Variants in GJB3 observed in about 807,000 individuals in gnomAD.
GJB3 encodes the protein gap junction protein beta 3.
In GJB3, 6 loss-of-function variants were observed where a neutral mutation model predicts 8.1. That is an observed-to-expected ratio of 0.75 (90% CI 0.41 to 1.47). The LOEUF is 1.47. GJB3 is among the 40% of genes most tolerant of loss of function. The probability of loss-of-function intolerance (pLI) is 0.02; values close to 1 mark genes in which losing one functional copy is unlikely to be tolerated. For missense variants in GJB3, 348 were observed against 365.6 expected, an observed-to-expected ratio of 0.95 and a Z score of 0.39; for synonymous variants, 137 against 156.4, an observed-to-expected ratio of 0.88 and a Z score of 0.93.
rs1367272497 is a variant in GJB3 at position 34,784,649 on chromosome 1, C to G, written c.-25-89C>G. On this transcript the variant is annotated intron_variant, in intron 1 of 1. Coordinates refer to ENST00000373366, the MANE Select transcript of GJB3 (RefSeq NM_024009.3). Reference sequence around the variant, plus strand: ...GGGTCGTTGTGAGTATTGAACAAGTCAGAACTCAGAACACTGCCTGGTACA... The same window carrying G: ...GGGTCGTTGTGAGTATTGAACAAGTGAGAACTCAGAACACTGCCTGGTACA... The G allele has an allele frequency of 2.5e-5, 22 of 868,642 alleles. No homozygotes were observed. The East Asian group carries it at 5.8e-4, about 23-fold the overall frequency. 53.8% of individuals were successfully genotyped at this position (868,642 alleles called of 1,614,324 possible).
Position 34,785,048 on chromosome 1 carries a change from G to C in GJB3, c.286G>C (p.Ala96Pro). The change falls in exon 2 of 2, where the codon GCC (alanine) becomes CCC (proline). Residue 96 changes from alanine to proline, a missense_variant. Transcript: ENST00000373366. The surrounding 1 kb of genome is among the most constrained non-coding windows in gnomAD (Gnocchi z 4.7). ...CPSLLVILHV[A>P]YREERERRHR... ...CTCGCTGCTGGTCATCCTGCACGTG[G>C]CCTACCGTGAGGAGCGGGAGCGCCG... 1 of 1,614,098 alleles carries C rather than the reference G, an allele frequency of 6.2e-7. No homozygotes were observed. The highest frequency in any genetic ancestry group is 8.5e-7 in the Non-Finnish European group (1 of 1,180,026).
chr1:34,785,866 C>T lies in GJB3; in HGVS notation c.*291C>T. The stretch of plus-strand genomic sequence containing the variant: ...TAGGGCACTGCTAGCAGGGCTTCAA[C>T]CAGGAAGGGATCAACCCAGGAAGGG... On this transcript the variant is annotated 3_prime_UTR_variant, in exon 2 of 2. Transcript: ENST00000373366. The surrounding 1 kb of genome is among the most constrained non-coding windows in gnomAD (Gnocchi z 4.7). The T allele has an allele frequency of 2.1e-6, 1 of 482,754 alleles. No homozygotes were observed. The highest frequency in any genetic ancestry group is 3.9e-6 in the Non-Finnish European group (1 of 256,632). The allele number at this position is 482,754 out of a possible 1,614,324, so 29.9% of individuals were successfully genotyped here.
chr1:34,785,516 G>A lies in GJB3; in HGVS notation c.754G>A (p.Asp252Asn). The A allele has an allele frequency of 6.2e-7, 1 of 1,614,076 alleles. No homozygotes were observed. ...HHKLVEAGEV[D>N]PDPGNNKLQA... ...CAAGCTGGTGGAGGCTGGGGAGGTG[G>A]ATCCAGACCCAGGCAATAACAAGCT... The change falls in exon 2 of 2, where the codon GAT (aspartate) becomes AAT (asparagine). Residue 252 changes from aspartate to asparagine, a missense_variant. Asp to Asn is a conservative substitution (Grantham distance 23). Coordinates refer to ENST00000373366, the MANE Select transcript of GJB3 (RefSeq NM_024009.3). The surrounding 1 kb of genome is among the most constrained non-coding windows in gnomAD (Gnocchi z 4.7).
Position 34,784,954 on chromosome 1 carries a change from C to A in GJB3, c.192C>A (p.Cys64Ter). ...NTKQPGCTNVCYDNYFPISNI... is the reference protein window; with the variant it reads ...NTKQPGCTNV ...AGCAGCCCGGCTGCACCAACGTCTG[C>A]TACGACAACTACTTCCCCATCTCCA... is the stretch of plus-strand genomic sequence containing the variant. Residue 64 changes from cysteine (C) to a stop codon, truncating the protein, a stop_gained, in exon 2 of 2, where the codon TGC becomes TGA. Transcript: ENST00000373366. LOFTEE classifies it high-confidence loss of function. 6.2e-7 allele frequency: 1 copy of A among 1,614,192 alleles called. No homozygotes were observed. The highest frequency in any genetic ancestry group is 8.5e-7 in the Non-Finnish European group (1 of 1,180,028).
chr1:34,781,826 C>A lies in GJB3; in HGVS notation c.-26+48C>A, dbSNP rs1329513124. 6.6e-6 allele frequency: 1 copy of A among 152,292 alleles called. No individual in the cohort carries two copies. Among genetic ancestry groups the A allele is most frequent in the African/African-American group, 2.4e-5 (1 of 41,458 alleles). 9.4% of individuals were successfully genotyped at this position (152,292 alleles called of 1,614,324 possible). A position where few individuals can be genotyped will look rare whatever the true frequency, so the allele number is the denominator to read the frequency against. The stretch of plus-strand genomic sequence containing the variant: ...CGAGGCTGGGCGGGACCCTCAGGGG[C>A]GCCAAGCGCTCCTGGCGACCCCCTG... On this transcript the variant is annotated intron_variant, in intron 1 of 1. Coordinates refer to ENST00000373366, the MANE Select transcript of GJB3 (RefSeq NM_024009.3). The surrounding 1 kb of genome is among the most constrained non-coding windows in gnomAD (Gnocchi z 6.2).
rs367983532 is a variant in GJB3, at chr1:34,785,433, G to A, written c.671G>A (p.Arg224Gln). 43 of 1,613,886 alleles carry A rather than the reference G, an allele frequency of 2.7e-5. No individual in the cohort carries two copies. Among genetic ancestry groups the A allele is most frequent in the African/African-American group, 1.7e-4 (13 of 74,908 alleles). Residue 224 changes from arginine to glutamine, a missense_variant, in exon 2 of 2, where the codon CGA becomes CAA. Transcript: ENST00000373366. The surrounding 1 kb of genome is among the most constrained non-coding windows in gnomAD (Gnocchi z 4.7). ...CGAGGCCTGCACAAGGACAAGCCTC[G>A]AGGGGGTTGCAGCCCCTCGTCCTCC... ...VLRGLHKDKP[R>Q]GGCSPSSSAS...
At position 34,781,860 on chromosome 1, in the gene GJB3, C is replaced by A. The variant is rs1640015908; in HGVS notation, c.-26+82C>A. ...CTCCTGGCGACCCCCTGCGGCAGGG[C>A]TGGGGCTTGAGCCTGCCAGTGCGCT... On this transcript the variant is annotated intron_variant, in intron 1 of 1. Transcript: ENST00000373366. This position sits in a 1 kb window ranked among gnomAD's most constrained non-coding sequence, Gnocchi z 6.2. The A allele has an allele frequency of 6.6e-6, 1 of 152,410 alleles. No individual in the cohort carries two copies. Among genetic ancestry groups the A allele is most frequent in the South Asian group, 2.1e-4 (1 of 4,840 alleles). 9.4% of individuals were successfully genotyped at this position (152,410 alleles called of 1,614,324 possible).
At chr1:34,782,707 C>A (rs1317961591) in intron 1 of GJB3, among the ~76,000 whole-genome samples, 1 of 152,070 alleles carries the variant, frequency 6.6e-6, no homozygotes, top group African/African-American at 2.4e-5. Flanking sequence ...CCCAATCACC[C>A]CATCCTGCCC....
Position 34,781,361 on chromosome 1 carries a change from C to A in GJB3, c.-443C>A, listed in dbSNP as rs1557658171. 1.3e-5 allele frequency: 2 copies of A among 152,232 alleles called. No homozygotes were observed. 9.4% of individuals were successfully genotyped at this position (152,232 alleles called of 1,614,324 possible). A position where few individuals can be genotyped will look rare whatever the true frequency, so the allele number is the denominator to read the frequency against. On this transcript the variant is annotated 5_prime_UTR_variant, in exon 1 of 2. Coordinates refer to ENST00000373366, the MANE Select transcript of GJB3 (RefSeq NM_024009.3). The surrounding 1 kb of genome is among the most constrained non-coding windows in gnomAD (Gnocchi z 6.2). Reference sequence around the variant, plus strand: ...TGCCCCACGCACGGTCAAGGTCCCGCGCCAAGCGGGGACCGGGCTGGGCCG... The same window carrying A: ...TGCCCCACGCACGGTCAAGGTCCCGAGCCAAGCGGGGACCGGGCTGGGCCG...
At position 34,785,553 on chromosome 1, in the gene GJB3, C is replaced by T. The variant is rs200555311; in HGVS notation, c.791C>T (p.Ala264Val). The T allele has an allele frequency of 5.0e-5, 81 of 1,613,950 alleles. No individual in the cohort carries two copies. The highest frequency in any genetic ancestry group is 6.6e-5 in the Non-Finnish European group (78 of 1,179,974). Residue 264 changes from alanine (A) to valine (V), a missense_variant, in exon 2 of 2, where the codon GCA (alanine) becomes GTA (valine). By Grantham distance (64) the Ala-to-Val change is moderately conservative (BLOSUM62 0). Transcript: ENST00000373366. The surrounding 1 kb of genome is among the most constrained non-coding windows in gnomAD (Gnocchi z 4.7). The part of the protein sequence containing the change: ...DPGNNKLQAS[A>V]PNLTPI ...GGCAATAACAAGCTGCAGGCTTCAGCACCCAACCTGACCCCCATCTGACCA... is the reference window on the plus strand; with the variant it reads ...GGCAATAACAAGCTGCAGGCTTCAGTACCCAACCTGACCCCCATCTGACCA...
In GJB3 at chr1:34,785,069, C is replaced by T. The variant is rs1026392253; in HGVS notation, c.307C>T (p.Arg103Cys). 19 of 1,613,952 alleles carry T rather than the reference C, an allele frequency of 1.2e-5. No individual in the cohort carries two copies. Among genetic ancestry groups the T allele is most frequent in the Admixed American group, 1.7e-5 (1 of 60,010 alleles). The change falls in exon 2 of 2, where the codon CGC (arginine) becomes TGC (cysteine). Residue 103 changes from arginine to cysteine, a missense_variant. Arg to Cys is a radical substitution (Grantham distance 180). Transcript: ENST00000373366. This position sits in a 1 kb window ranked among gnomAD's most constrained non-coding sequence, Gnocchi z 4.7. The part of the protein sequence containing the change: ...LHVAYREERE[R>C]RHRQKHGDQC... Reference sequence around the variant, plus strand: ...CGTGGCCTACCGTGAGGAGCGGGAGCGCCGGCACCGCCAGAAACACGGGGA... The same window carrying T: ...CGTGGCCTACCGTGAGGAGCGGGAGTGCCGGCACCGCCAGAAACACGGGGA...
rs1034791840 is a variant in GJB3 at position 34,781,369 on chromosome 1, G to A, written c.-435G>A. 10 of 152,234 alleles carry A rather than the reference G, an allele frequency of 6.6e-5. No homozygotes were observed. 9.4% of individuals were successfully genotyped at this position (152,234 alleles called of 1,614,324 possible). A position where few individuals can be genotyped will look rare whatever the true frequency, so the allele number is the denominator to read the frequency against. On this transcript the variant is annotated 5_prime_UTR_variant, in exon 1 of 2. Transcript: ENST00000373366. The surrounding 1 kb of genome is among the most constrained non-coding windows in gnomAD (Gnocchi z 6.2). ...GCACGGTCAAGGTCCCGCGCCAAGC[G>A]GGGACCGGGCTGGGCCGGAAGCGGG...
Position 34,785,945 on chromosome 1 carries a change from C to T in GJB3, c.*370C>T. On this transcript the variant is annotated 3_prime_UTR_variant, in exon 2 of 2. Transcript: ENST00000373366. This position sits in a 1 kb window ranked among gnomAD's most constrained non-coding sequence, Gnocchi z 4.7. ...TAATGTGTAAGAGAGGTGAGAAGTG[C>T]TCCCAAGCAGACACAACAGCAGCAC... 1 of 284,058 alleles carries T rather than the reference C, an allele frequency of 3.5e-6. No individual in the cohort carries two copies. The highest frequency in any genetic ancestry group is 7.2e-6 in the Non-Finnish European group (1 of 139,436). 17.6% of individuals were successfully genotyped at this position (284,058 alleles called of 1,614,324 possible).
Position 34,785,821 on chromosome 1 carries a change from G to A in GJB3, c.*246G>A, listed in dbSNP as rs930087859. On this transcript the variant is annotated 3_prime_UTR_variant, in exon 2 of 2. Transcript: ENST00000373366. The surrounding 1 kb of genome is among the most constrained non-coding windows in gnomAD (Gnocchi z 4.7). ...TGAAACAAGCGAATTAACTATCTAC[G>A]CTGCCTGCAAGGGGCCACTTAGGGC... 1.9e-5 allele frequency: 11 copies of A among 572,642 alleles called. No homozygotes were observed. Among genetic ancestry groups the A allele is most frequent in the South Asian group, 8.3e-5 (4 of 48,342 alleles). The allele number at this position is 572,642 out of a possible 1,614,324, so 35.5% of individuals were successfully genotyped here. A position where few individuals can be genotyped will look rare whatever the true frequency, so the allele number is the denominator to read the frequency against.
Position 34,784,895 on chromosome 1 carries a change from G to A in GJB3, c.133G>A (p.Gly45Arg). 2.5e-6 allele frequency: 4 copies of A among 1,614,148 alleles called. No homozygotes were observed. The highest frequency in any genetic ancestry group is 1.6e-4 in the Middle Eastern group (1 of 6,062). The change falls in exon 2 of 2, where the codon GGG (glycine) becomes AGG (arginine). Residue 45 changes from glycine (G) to arginine (R), a missense_variant. By Grantham distance (125) the Gly-to-Arg change is moderately radical. Coordinates refer to ENST00000373366, the MANE Select transcript of GJB3 (RefSeq NM_024009.3). ...CGTGGTGGCTGCAGAGCGCGTGTGG[G>A]GGGATGAGCAGAAGGACTTTGACTG... The part of the protein sequence containing the change: ...VYVVAAERVW[G>R]DEQKDFDCNT...
intron 1 of GJB3, among the ~76,000 whole-genome samples, chr1:34,783,261 A>G (rs1189127316): frequency 1.3e-5 from 2 of 151,860 alleles, no homozygotes; most frequent in African/African-American, 4.8e-5. Context: ...AAAAAAAAAG[A>G]AAGGGGACAG....
At chr1:34,784,691 A>C in intron 1 of GJB3, 47 bp from the exon 2 acceptor site, 1 of 1,232,394 alleles carries the variant, frequency 8.1e-7, no homozygotes, top group Middle Eastern at 1.9e-4. Flanking sequence ...ATGCTCAATA[A>C]AGTCACCTAT....
At chr1:34,784,511 T>C (rs1378608778) in intron 1 of GJB3, among the ~76,000 whole-genome samples, 1 of 152,176 alleles carries the variant, frequency 6.6e-6, no homozygotes, top group African/African-American at 2.4e-5. Context: ...AGCCAAAGCA[T>C]ATTTGCTTCC....
chr1:34,784,712 G>T, intron 1 of GJB3, 26 bp from the exon 2 acceptor site: 1 of 1,448,774 alleles, frequency 6.9e-7, no homozygotes, highest in South Asian at 1.2e-5. Flanking sequence ...TCATTCATAC[G>T]ATGGTTTTTC....
Sources: gnomAD v4.1 joint callset for allele counts (sites outside exome capture counted in the v4.1 genomes callset) on GRCh38, gnomAD v4.1.1 for gene constraint, Gnocchi (gnomAD v3.1) non-coding constraint, MANE v1.5 for transcripts, NCBI Gene and HGNC (gene_info 2026-07-23, HGNC 2026-07-21) for gene names.